The following TRIO variants were observed in gnomAD, a reference collection of about 807,000 sequenced individuals.
TRIO encodes triple functional domain protein.
TRIO carries 58 observed loss-of-function variants against 351.9 expected under a neutral mutation model. The ratio of observed to expected loss-of-function variants is 0.16; its 90% CI spans 0.13 to 0.21. The LOEUF is 0.21. Ranked by LOEUF, TRIO falls within the 10% of genes least tolerant of loss-of-function variation. TRIO has a pLI of 1.00. For synonymous variants in TRIO, 1,758 were observed against 1,595.7 expected, an observed-to-expected ratio of 1.10 and a Z score of -2.42; for missense variants, 3,201 against 4,027.8, an observed-to-expected ratio of 0.79 and a Z score of 5.56.
At chr5:14,438,102 C>T (rs1561490701) in intron 34 of TRIO, among the ~76,000 whole-genome samples, 1 of 152,186 alleles carries the variant, frequency 6.6e-6, no homozygotes, top group East Asian at 1.9e-4. Flanking sequence ...TTCTTGTTTT[C>T]CTTCACAAAC....
chr5:14,388,436 T>C (rs1746742243), intron 23 of TRIO, among the ~76,000 whole-genome samples, 177 bp from the exon 24 acceptor site: 1 of 152,180 alleles, frequency 6.6e-6, no homozygotes, highest in African/African-American at 2.4e-5. Context: ...GCAGAAATCT[T>C]TTTTTCCCCT....
intron 1 of TRIO, among the ~76,000 whole-genome samples, chr5:14,236,286 T>TA (rs1793763245): frequency 6.6e-6 from 1 of 152,218 alleles, no homozygotes; most frequent in South Asian, 2.1e-4. Flanking sequence ...TATACAGTGA[T>TA]AAAAACATTT....
intron 33 of TRIO, among the ~76,000 whole-genome samples, chr5:14,412,240 G>T (rs544492123): frequency 6.6e-6 from 1 of 152,170 alleles, no homozygotes; most frequent in South Asian, 2.1e-4. Context: ...CACCTGCCTC[G>T]GCCTCCCAAA....
At chr5:14,325,153 A>G (rs1740253444) in intron 9 of TRIO, among the ~76,000 whole-genome samples, 1 of 152,208 alleles carries the variant, frequency 6.6e-6, no homozygotes, top group South Asian at 2.1e-4. Context: ...CAAAGGGAAA[A>G]TATCATTTAC....
In TRIO at chr5:14,460,212, G is replaced by A. The variant is rs887717368; in HGVS notation, c.5204-807G>A. ...ATTACAGGCGTGAGCCACCGCGCCC[G>A]GCCCCTCACATTTCTTTTTAAAATG... On this transcript the variant is annotated intron_variant, in intron 34 of 56. Transcript: ENST00000344204. Among the ~76,000 whole-genome samples the A allele has an allele frequency of 7.2e-5, 11 of 152,234 alleles. No homozygotes were observed. In the South Asian group the frequency reaches 8.3e-4, roughly 12 times the overall value.
chr5:14,324,634 A>G (rs1740203529), intron 9 of TRIO, among the ~76,000 whole-genome samples: 1 of 152,242 alleles, frequency 6.6e-6, no homozygotes, highest in African/African-American at 2.4e-5. Context: ...CTTGGAGTTG[A>G]GAAGACCTCC....
intron 33 of TRIO, among the ~76,000 whole-genome samples, chr5:14,410,690 C>T (rs1749125943): frequency 6.6e-6 from 1 of 152,174 alleles, no homozygotes; most frequent in Non-Finnish European, 1.5e-5. Flanking sequence ...GACTCGGCCT[C>T]TTGGAGAATT....
At chr5:14,240,587 T>C (rs1475433819) in intron 1 of TRIO, among the ~76,000 whole-genome samples, 5 of 152,232 alleles carry the variant, frequency 3.3e-5, no homozygotes, top group Admixed American at 6.5e-5. Flanking sequence ...TGTTAACCAG[T>C]CAGCCACTTT....
chr5:14,437,188 T>C (rs32693), intron 34 of TRIO, among the ~76,000 whole-genome samples: 1 of 151,956 alleles, frequency 6.6e-6, no homozygotes, highest in Non-Finnish European at 1.5e-5. Flanking sequence ...CCTGTTTGGA[T>C]ATTGAATTTT....
intron 55 of TRIO, among the ~76,000 whole-genome samples, chr5:14,505,274 G>A (rs1474744790): frequency 6.6e-6 from 1 of 152,234 alleles, no homozygotes; most frequent in African/African-American, 2.4e-5. Flanking sequence ...GTCCGGCAGG[G>A]AGCGGCCGGA....
intron 6 of TRIO, among the ~76,000 whole-genome samples, chr5:14,296,860 G>A (rs1204819784): frequency 6.6e-6 from 1 of 152,174 alleles, no homozygotes; most frequent in East Asian, 1.9e-4. Context: ...TAATTTTACA[G>A]TTTTAAAAAT....
intron 40 of TRIO, among the ~76,000 whole-genome samples, chr5:14,475,310 C>T (rs549342097): frequency 1.3e-5 from 2 of 152,074 alleles, no homozygotes; most frequent in African/African-American, 2.4e-5. Context: ...GGGTGGAGCA[C>T]GATGTCATCA....
chr5:14,227,807 C>T (rs1793143708), intron 1 of TRIO, among the ~76,000 whole-genome samples: 1 of 152,180 alleles, frequency 6.6e-6, no homozygotes, highest in African/African-American at 2.4e-5. Flanking sequence ...ACAACTTTAG[C>T]ATTGTTCTTT....
intron 33 of TRIO, among the ~76,000 whole-genome samples, chr5:14,409,834 C>CAGA (rs1749046819): frequency 1.2e-5 from 1 of 82,132 alleles, no homozygotes; most frequent in East Asian, 4.4e-4. Context: ...GACTCCATCT[C>CAGA]AAAAAAAAAA....
intron 1 of TRIO, among the ~76,000 whole-genome samples, chr5:14,187,568 C>G (rs1250242724): frequency 6.6e-6 from 1 of 152,116 alleles, no homozygotes; most frequent in African/African-American, 2.4e-5. Flanking sequence ...CACAGGCCAT[C>G]CTATTTAATC....
At chr5:14,498,390 C>T (rs1402766919) in intron 52 of TRIO, 129 bp from the exon 53 acceptor site, 22 of 1,507,936 alleles carry the variant, frequency 1.5e-5, no homozygotes, top group Middle Eastern at 4.6e-4. Flanking sequence ...GCCCATTTCA[C>T]GCCTGGGTGT....
chr5:14,268,226 G>A (rs1008994218), intron 1 of TRIO, among the ~76,000 whole-genome samples: 4 of 152,206 alleles, frequency 2.6e-5, no homozygotes, highest in Non-Finnish European at 5.9e-5. Context: ...TCTGTTTTCT[G>A]CACCCTACTT....
At chr5:14,449,510 T>G (rs1752684744) in intron 34 of TRIO, among the ~76,000 whole-genome samples, 1 of 152,228 alleles carries the variant, frequency 6.6e-6, no homozygotes, top group Admixed American at 6.5e-5. Context: ...GTTGGCCTCT[T>G]GTTGCTCGGC....
At position 14,151,724 on chromosome 5, in the gene TRIO, T is replaced by C. The variant is rs1787849715; in HGVS notation, c.157+7842T>C. Among the ~76,000 whole-genome samples the C allele has an allele frequency of 3.3e-5, 5 of 152,246 alleles. No homozygotes were observed. In the South Asian group the frequency reaches 1.0e-3, roughly 31 times the overall value. The stretch of plus-strand genomic sequence containing the variant: ...CATTTTGCTTTGCTTCCTCTTGCAT[T>C]GACCCATCCACTTTTTCAAGTTCAC... On this transcript the variant is annotated intron_variant, in intron 1 of 56. Transcript: ENST00000344204.
Sources: allele counts gnomAD v4.1 joint callset (sites outside exome capture counted in the v4.1 genomes callset), GRCh38; gene constraint gnomAD v4.1.1; transcripts MANE v1.5; gene names NCBI Gene and HGNC (gene_info 2026-07-23, HGNC 2026-07-21).